CEP112: variants seen among roughly 807,000 people sequenced by gnomAD.
CEP112 encodes the protein centrosomal protein 112.
In CEP112, 127 loss-of-function variants were observed where a neutral mutation model predicts 153.0. That is an observed-to-expected ratio of 0.83 (90% CI 0.72 to 0.96). The LOEUF is 0.96. Ranked by LOEUF, CEP112 falls within the 40% of genes least tolerant of loss-of-function variation. The pLI is 0.00. For missense variants in CEP112, 1,089 were observed against 1,101.2 expected (o/e 0.99, Z 0.16); for synonymous variants, 358 against 374.4 (o/e 0.96, Z 0.51).
intron 6 of CEP112, among the ~76,000 whole-genome samples, chr17:66,110,576 C>T (rs917832798): frequency 6.0e-5 from 9 of 150,870 alleles, no homozygotes; most frequent in South Asian, 2.1e-4. Flanking sequence ...CCAATGGATT[C>T]GATCTTATAT....
chr17:66,097,175 C>T (rs2068382107), intron 6 of CEP112, among the ~76,000 whole-genome samples: 1 of 152,136 alleles, frequency 6.6e-6, no homozygotes, highest in Non-Finnish European at 1.5e-5. Context: ...TTCACCATAC[C>T]CCACATTCCA....
chr17:66,188,598 T>G (rs1423924907), intron 1 of CEP112, among the ~76,000 whole-genome samples: 1 of 132,100 alleles, frequency 7.6e-6, no homozygotes, highest in Non-Finnish European at 1.7e-5. Context: ...TTTTTTTTTT[T>G]TACACATCTG....
chr17:66,076,459 C>A (rs1484573754), intron 8 of CEP112, among the ~76,000 whole-genome samples: 2 of 152,094 alleles, frequency 1.3e-5, no homozygotes, highest in Admixed American at 6.5e-5. Flanking sequence ...TGACAACCTG[C>A]ATGACTCAGC....
intron 24 of CEP112, among the ~76,000 whole-genome samples, chr17:65,645,344 C>T (rs1309795326): frequency 2.6e-5 from 4 of 152,148 alleles, no homozygotes; most frequent in Non-Finnish European, 4.4e-5. Context: ...GTTGGAATTA[C>T]GTGCATGCAT....
chr17:65,794,763 T>C (rs896485964), intron 21 of CEP112, among the ~76,000 whole-genome samples: 5 of 152,124 alleles, frequency 3.3e-5, no homozygotes, highest in African/African-American at 1.2e-4. Flanking sequence ...CCACACCCAG[T>C]CAGGAATCGC....
chr17:65,740,348 G>A, intron 23 of CEP112, among the ~76,000 whole-genome samples: 1 of 152,280 alleles, frequency 6.6e-6, no homozygotes, highest in African/African-American at 2.4e-5. Flanking sequence ...TTTTTGATTA[G>A]CTAAAGCTTA....
intron 16 of CEP112, 31 bp from the exon 17 acceptor site, chr17:66,005,800 G>T: frequency 6.4e-7 from 1 of 1,574,106 alleles, no homozygotes. Context: ...AAAATTTATT[G>T]GAAGACGAGT....
chr17:65,844,929 C>T (rs567146068), intron 21 of CEP112, among the ~76,000 whole-genome samples: 2 of 151,990 alleles, frequency 1.3e-5, no homozygotes, highest in Admixed American at 1.3e-4. Context: ...AGGGGAATCG[C>T]TTGAACCTGG....
intron 22 of CEP112, among the ~76,000 whole-genome samples, chr17:65,745,546 G>A (rs2051394635): frequency 6.6e-6 from 1 of 152,166 alleles, no homozygotes; most frequent in African/African-American, 2.4e-5. Context: ...GATCTTTTAT[G>A]AGAACATGGG....
At chr17:65,924,678 A>G (rs76109588) in intron 19 of CEP112, among the ~76,000 whole-genome samples, 3,448 of 152,246 alleles carry the variant, frequency 0.023, 62 homozygotes, top group Non-Finnish European at 0.032. Context: ...CCCTACCTCT[A>G]CAAAATATGC....
chr17:65,720,934 G>A (rs1054156861), intron 23 of CEP112, among the ~76,000 whole-genome samples: 7 of 151,696 alleles, frequency 4.6e-5, no homozygotes, highest in Non-Finnish European at 7.4e-5. Flanking sequence ...GTTTCTAAAT[G>A]GTGGGTCTGG....
At chr17:65,980,611 T>C (rs779673439) in intron 17 of CEP112, among the ~76,000 whole-genome samples, 7 of 152,180 alleles carry the variant, frequency 4.6e-5, no homozygotes, top group Non-Finnish European at 7.3e-5. Context: ...ACTTAGCTTA[T>C]TGGCAAGAAA....
Position 65,883,263 on chromosome 17 carries a change from C to CATATATATATAT in CEP112, c.2163+18877_2163+18888dup, listed in dbSNP as rs34264279. On this transcript the variant is annotated intron_variant, in intron 20 of 26. Transcript: ENST00000535342. Reference sequence around the variant, plus strand: ...ATTGCAGCTCATGCTAAGAAGTTTACATATATATATATATATATGAAGTGT... The same window carrying CATATATATATAT: ...ATTGCAGCTCATGCTAAGAAGTTTACATATATATATATATATATATATATATATATGAAGTGT... Among the ~76,000 whole-genome samples, 520 of 146,842 alleles carry CATATATATATAT rather than the reference C, an allele frequency of 3.5e-3. 5 individuals are homozygous for CATATATATATAT. The highest frequency in any genetic ancestry group is 0.012 in the African/African-American group (487 of 39,938).
intron 20 of CEP112, among the ~76,000 whole-genome samples, chr17:65,863,525 T>C (rs890126523): frequency 6.6e-6 from 1 of 151,748 alleles, no homozygotes; most frequent in Admixed American, 6.6e-5. Context: ...CCCAGCACTT[T>C]GGGAGGCCAA....
chr17:66,074,873 G>A (rs77584064), intron 8 of CEP112, among the ~76,000 whole-genome samples: 10,254 of 89,058 alleles, frequency 0.12, 223 homozygotes, highest in African/African-American at 0.14. Context: ...AAAAAAAAAA[G>A]AAAAAAAAAA....
intron 21 of CEP112, among the ~76,000 whole-genome samples, chr17:65,762,962 A>C (rs868606610): frequency 1.8e-4 from 28 of 152,140 alleles, no homozygotes; most frequent in African/African-American, 6.7e-4. Flanking sequence ...TTATCTAAAA[A>C]CTTCTTTTTA....
intron 22 of CEP112, among the ~76,000 whole-genome samples, chr17:65,744,931 G>A (rs1035440760): frequency 2.0e-5 from 3 of 152,308 alleles, no homozygotes; most frequent in African/African-American, 7.2e-5. Flanking sequence ...AAGCAGAGGG[G>A]AGGGCAGTTG....
chr17:66,142,322 T>A (rs759672887), intron 4 of CEP112, among the ~76,000 whole-genome samples: 2 of 152,196 alleles, frequency 1.3e-5, no homozygotes, highest in Non-Finnish European at 2.9e-5. Context: ...TTCACTCTGT[T>A]GATTGTTTGC....
intron 19 of CEP112, among the ~76,000 whole-genome samples, chr17:65,919,289 C>A (rs2060615276): frequency 6.6e-6 from 1 of 152,134 alleles, no homozygotes; most frequent in African/African-American, 2.4e-5. Flanking sequence ...GTGGATGCAA[C>A]ACTCCAGGAA....
Sources: gnomAD v4.1 joint callset for allele counts (sites outside exome capture counted in the v4.1 genomes callset) on GRCh38, gnomAD v4.1.1 for gene constraint, MANE v1.5 for transcripts, NCBI Gene and HGNC (gene_info 2026-07-23, HGNC 2026-07-21) for gene names.